The following ELAVL3 variants were observed in gnomAD, a reference collection of about 807,000 sequenced individuals.
ELAVL3 encodes the protein ELAV like RNA binding protein 3.
In ELAVL3, 8 loss-of-function variants were observed where a neutral mutation model predicts 34.2. The observed-to-expected ratio is 0.23, with a 90% CI of 0.14 to 0.42. ELAVL3 has a LOEUF of 0.42. Among genes scored for constraint, ELAVL3 ranks in the 10% least tolerant of loss-of-function variants. The probability of loss-of-function intolerance (pLI) is 1.00; values close to 1 mark genes in which losing one functional copy is unlikely to be tolerated. For synonymous variants in ELAVL3, 209 were observed against 222.1 expected, an observed-to-expected ratio of 0.94 and a Z score of 0.53; for missense variants, 273 against 518.8, an observed-to-expected ratio of 0.53 and a Z score of 4.60.
intron 1 of ELAVL3, among the ~76,000 whole-genome samples, chr19:11,474,856 G>A (rs1311341598): frequency 6.6e-6 from 1 of 152,154 alleles, no homozygotes; most frequent in Non-Finnish European, 1.5e-5. Context: ...TTGAGACGGA[G>A]TCTTGCTTTG....
intron 1 of ELAVL3, among the ~76,000 whole-genome samples, chr19:11,477,812 C>A (rs1456963702): frequency 6.6e-6 from 1 of 151,878 alleles, no homozygotes; most frequent in African/African-American, 2.4e-5. Flanking sequence ...TCCACCTCAG[C>A]CAGGTAGCTG....
intron 3 of ELAVL3, among the ~76,000 whole-genome samples, chr19:11,463,958 G>T (rs1970944952): frequency 6.7e-6 from 1 of 149,498 alleles, no homozygotes. Context: ...AAGAGAGGGA[G>T]ACTCTGTCTC....
At chr19:11,473,064 C>T (rs757355332) in intron 1 of ELAVL3, among the ~76,000 whole-genome samples, 17 of 149,166 alleles carry the variant, frequency 1.1e-4, no homozygotes, top group Non-Finnish European at 1.9e-4. Flanking sequence ...GAGACTCTGT[C>T]TCAAAAAGAA....
At chr19:11,475,478 A>AT (rs1971245347) in intron 1 of ELAVL3, among the ~76,000 whole-genome samples, 1 of 151,322 alleles carries the variant, frequency 6.6e-6, no homozygotes, top group East Asian at 2.0e-4. Flanking sequence ...CTAATTTTTT[A>AT]TTTTTTGTAG....
intron 1 of ELAVL3, among the ~76,000 whole-genome samples, chr19:11,472,692 C>T (rs1455607778): frequency 6.6e-6 from 1 of 150,720 alleles, no homozygotes; most frequent in African/African-American, 2.4e-5. Flanking sequence ...CATAGTGAGA[C>T]ACTGTATAAC....
rs1350817219 is a variant in ELAVL3, at chr19:11,454,469, T to C, written c.*57A>G. 8.4e-5 allele frequency: 99 copies of C among 1,185,022 alleles called. No individual in the cohort carries two copies. Among genetic ancestry groups the C allele is most frequent in the African/African-American group, 2.9e-4 (18 of 61,628 alleles). The allele number at this position is 1,185,022 out of a possible 1,614,324, so 73.4% of individuals were successfully genotyped here. On this transcript the variant is annotated 3_prime_UTR_variant, in exon 7 of 7. Transcript: ENST00000359227. The surrounding 1 kb of genome is among the most constrained non-coding windows in gnomAD (Gnocchi z 9.2). ...GCCCCTTCTCTCTCTCTCTCTCTCTTTCTCTCTCTCTCTCTCTGCTGCCCG... is the reference window on the plus strand; with the variant it reads ...GCCCCTTCTCTCTCTCTCTCTCTCTCTCTCTCTCTCTCTCTCTGCTGCCCG...
In ELAVL3 at chr19:11,454,365, A is replaced by T; in HGVS notation, c.*161T>A. On this transcript the variant is annotated 3_prime_UTR_variant, in exon 7 of 7. Transcript: ENST00000359227. The surrounding 1 kb of genome is among the most constrained non-coding windows in gnomAD (Gnocchi z 9.2). ...AATTCCCTGCAGACCCTCCCACCCC[A>T]GAGTGCTCACCCTGTGGCTTCCGCA... is the stretch of plus-strand genomic sequence containing the variant. 1 of 688,166 alleles carries T rather than the reference A, an allele frequency of 1.5e-6. No homozygotes were observed. Among genetic ancestry groups the T allele is most frequent in the Non-Finnish European group, 2.4e-6 (1 of 419,972 alleles). The allele number at this position is 688,166 out of a possible 1,614,324, so 42.6% of individuals were successfully genotyped here. A position where few individuals can be genotyped will look rare whatever the true frequency, so the allele number is the denominator to read the frequency against.
Position 11,454,228 on chromosome 19 carries a change from C to T in ELAVL3, c.*298G>A, listed in dbSNP as rs1276914810. The T allele has an allele frequency of 1.4e-5, 5 of 353,378 alleles. No individual in the cohort carries two copies. Among genetic ancestry groups the T allele is most frequent in the Admixed American group, 8.7e-5 (2 of 23,016 alleles). 21.9% of individuals were successfully genotyped at this position (353,378 alleles called of 1,614,324 possible). ...GGCACATCTCTGCATTCTTTTTAGC[C>T]GAAAAAAGAAACAAAAACCTTCACC... is the stretch of plus-strand genomic sequence containing the variant. On this transcript the variant is annotated 3_prime_UTR_variant, in exon 7 of 7. Transcript: ENST00000359227. This position sits in a 1 kb window ranked among gnomAD's most constrained non-coding sequence, Gnocchi z 9.2.
At position 11,466,797 on chromosome 19, in the gene ELAVL3, C is replaced by G. The variant is rs201228575; in HGVS notation, c.40G>C (p.Gly14Arg). Residue 14 changes from glycine to arginine, a missense_variant, in exon 2 of 7, where the codon GGG becomes CGG. Transcript: ENST00000359227. This position sits in a 1 kb window ranked among gnomAD's most constrained non-coding sequence, Gnocchi z 5.0. Reference sequence around the variant, plus strand: ...AGGGCCGGGCCGGCCGGGCCCCCCCCCACCTGAGACTCCATGGCCCCCAGT... The same window carrying G: ...AGGGCCGGGCCGGCCGGGCCCCCCCGCACCTGAGACTCCATGGCCCCCAGT... ...QILGAMESQV[G>R]GGPAGPALPN... 34 of 1,611,396 alleles carry G rather than the reference C, an allele frequency of 2.1e-5. No homozygotes were observed. The highest frequency in any genetic ancestry group is 6.7e-5 in the African/African-American group (5 of 74,972).
chr19:11,465,101 C>G (rs1474949109), intron 3 of ELAVL3, among the ~76,000 whole-genome samples: 1 of 122,102 alleles, frequency 8.2e-6, no homozygotes, highest in African/African-American at 3.1e-5. Context: ...ACACCACACA[C>G]ACATACACAT....
At chr19:11,457,809 A>T (rs1970801565) in intron 5 of ELAVL3, among the ~76,000 whole-genome samples, 1 of 152,268 alleles carries the variant, frequency 6.6e-6, no homozygotes, top group Non-Finnish European at 1.5e-5. Flanking sequence ...CAAAAGAGAA[A>T]GGGGCCACCA....
Position 11,480,726 on chromosome 19 carries a change from C to T in ELAVL3, c.-118G>A. 1 of 1,025,920 alleles carries T rather than the reference C, an allele frequency of 9.7e-7. No individual in the cohort carries two copies. Among genetic ancestry groups the T allele is most frequent in the Non-Finnish European group, 1.3e-6 (1 of 758,892 alleles). 63.6% of individuals were successfully genotyped at this position (1,025,920 alleles called of 1,614,324 possible). ...GCCCGGGCGGCCTCTGGTGCGGCCG[C>T]TGCAGATGTGGCGATGAAGGCGGCG... is the stretch of plus-strand genomic sequence containing the variant. On this transcript the variant is annotated 5_prime_UTR_variant, in exon 1 of 7. Transcript: ENST00000359227. The surrounding 1 kb of genome is among the most constrained non-coding windows in gnomAD (Gnocchi z 6.8).
intron 1 of ELAVL3, among the ~76,000 whole-genome samples, chr19:11,476,728 A>T (rs1310425126): frequency 6.6e-6 from 1 of 151,954 alleles, no homozygotes; most frequent in Non-Finnish European, 1.5e-5. Flanking sequence ...GCGAACTCTC[A>T]TCTCTACTAA....
In ELAVL3 at chr19:11,458,587, C is replaced by T; in HGVS notation, c.358G>A (p.Ala120Thr). ...IKVSYARPSS[A>T]SIRDANLYVS... ...TACAGGTTAGCATCCCGGATGGATG[C>T]TGAACTGGGTCTGGCATAGGACACC... Residue 120 changes from alanine (A) to threonine (T), a missense_variant, in exon 4 of 7, where the codon GCA becomes ACA. Ala to Thr is a moderately conservative substitution (Grantham distance 58). This residue lies in a region of ELAVL3 where 102 missense variants were observed against 250.1 expected (regional missense o/e 0.41). Coordinates refer to ENST00000359227, the MANE Select transcript of ELAVL3 (RefSeq NM_001420.4). The surrounding 1 kb of genome is among the most constrained non-coding windows in gnomAD (Gnocchi z 7.3). The T allele has an allele frequency of 6.2e-7, 1 of 1,613,974 alleles. No homozygotes were observed.
Position 11,458,732 on chromosome 19 carries a change from G to T in ELAVL3, c.334-121C>A. On this transcript the variant is annotated intron_variant, in intron 3 of 6. Transcript: ENST00000359227. This position sits in a 1 kb window ranked among gnomAD's most constrained non-coding sequence, Gnocchi z 7.3. ...AAGTGACCCATCCGTCACTCAATAA[G>T]TATCTCTAGAGTTGTCACCGTGGGG... 1 of 1,341,648 alleles carries T rather than the reference G, an allele frequency of 7.5e-7. No homozygotes were observed. Among genetic ancestry groups the T allele is most frequent in the Non-Finnish European group, 1.0e-6 (1 of 973,700 alleles). 83.1% of individuals were successfully genotyped at this position (1,341,648 alleles called of 1,614,324 possible).
chr19:11,456,095 G>A (rs1490402101), intron 6 of ELAVL3, among the ~76,000 whole-genome samples: 1 of 151,658 alleles, frequency 6.6e-6, no homozygotes, highest in Non-Finnish European at 1.5e-5. Context: ...CTGGGTCTCC[G>A]TCACCCCTTC....
chr19:11,468,949 T>G (rs746871372), intron 1 of ELAVL3, among the ~76,000 whole-genome samples: 14 of 152,206 alleles, frequency 9.2e-5, no homozygotes, highest in Non-Finnish European at 1.3e-4. Context: ...AGACAAGGTC[T>G]CGCTCTGCCA....
At chr19:11,467,528 G>T (rs1162240034) in intron 1 of ELAVL3, among the ~76,000 whole-genome samples, 1 of 152,106 alleles carries the variant, frequency 6.6e-6, no homozygotes, top group East Asian at 1.9e-4. Context: ...CTGTCACCCA[G>T]ACTGGAGTGC....
At position 11,481,014 on chromosome 19, in the gene ELAVL3, T is replaced by G; in HGVS notation, c.-406A>C. ...TCTCCCCTCGCCCACCCTCCCTCCC[T>G]CCCTCCGGCCCGCGCTGCGCGCTCC... On this transcript the variant is annotated 5_prime_UTR_variant, in exon 1 of 7. Coordinates refer to ENST00000359227, the MANE Select transcript of ELAVL3 (RefSeq NM_001420.4). The surrounding 1 kb of genome is among the most constrained non-coding windows in gnomAD (Gnocchi z 6.3). 7.1e-5 allele frequency: 3 copies of G among 41,960 alleles called. No homozygotes were observed. Among genetic ancestry groups the G allele is most frequent in the East Asian group, 1.0e-3 (2 of 1,998 alleles). 2.6% of individuals were successfully genotyped at this position (41,960 alleles called of 1,614,324 possible).
Sources: allele counts gnomAD v4.1 joint callset (sites outside exome capture counted in the v4.1 genomes callset), GRCh38; gene constraint gnomAD v4.1.1; regional missense constraint gnomAD v4.1.1; non-coding constraint Gnocchi (gnomAD v3.1); transcripts MANE v1.5; gene names NCBI Gene and HGNC (gene_info 2026-07-23, HGNC 2026-07-21).